Variants in FOXO1 observed in about 807,000 individuals in gnomAD.
FOXO1 encodes the protein forkhead box protein O1.
In FOXO1, 6 loss-of-function variants were observed where a neutral mutation model predicts 44.1. The ratio of observed to expected loss-of-function variants is 0.14; its 90% CI spans 0.07 to 0.27. FOXO1 has a LOEUF of 0.27. Ranked by LOEUF, FOXO1 falls within the 10% of genes least tolerant of loss-of-function variation. FOXO1 has a pLI of 1.00. For synonymous variants in FOXO1, 380 were observed against 362.7 expected (o/e 1.05, Z -0.54); for missense variants, 737 against 888.8 (o/e 0.83, Z 2.17).
Position 40,560,024 on chromosome 13 carries a change from G to A in FOXO1, c.1467C>T (p.Ser489=), listed in dbSNP as rs142210500. Reference sequence around the variant, plus strand: ...TCATGACGTTCTGGCCCAGAACCCGGCTGTTGGGCTGGGCTACCCCAGGAT... The same window carrying A: ...TCATGACGTTCTGGCCCAGAACCCGACTGTTGGGCTGGGCTACCCCAGGAT... ...PVDPGVAQPN[S]RVLGQNVMMG... Residue 489 remains serine, a synonymous_variant, in exon 2 of 3, where the codon AGC becomes AGT. Coordinates refer to ENST00000379561, the MANE Select transcript of FOXO1 (RefSeq NM_002015.4). The surrounding 1 kb of genome is among the most constrained non-coding windows in gnomAD (Gnocchi z 5.1). 567 of 1,614,132 alleles carry A rather than the reference G, an allele frequency of 3.5e-4. 3 individuals are homozygous for A. The African/African-American group carries it at 7.0e-3, about 20-fold the overall frequency.
intron 1 of FOXO1, among the ~76,000 whole-genome samples, chr13:40,643,957 C>T (rs892918757): frequency 2.0e-5 from 3 of 152,158 alleles, no homozygotes; most frequent in African/African-American, 7.2e-5. Context: ...TAGGAATTAT[C>T]TGGTTACCAA....
intron 1 of FOXO1, among the ~76,000 whole-genome samples, chr13:40,585,741 GCAGCT>G (rs1275117381): frequency 6.6e-6 from 1 of 152,178 alleles, no homozygotes; most frequent in Non-Finnish European, 1.5e-5. Flanking sequence ...AGTGGACCCA[GCAGCT>G]GCCCATTTTC....
At position 40,638,725 on chromosome 13, in the gene FOXO1, T is replaced by C. The variant is rs568904297; in HGVS notation, c.630+26858A>G. Among the ~76,000 whole-genome samples the C allele has an allele frequency of 1.2e-4, 19 of 152,110 alleles. No homozygotes were observed. In the South Asian group the frequency reaches 3.9e-3, roughly 32 times the overall value. On this transcript the variant is annotated intron_variant, in intron 1 of 2. Transcript: ENST00000379561. ...CTAAGGTTTCAGAAGGTGGCAATGG[T>C]CCTAGGAAAATACATGCCCACTCAC...
chr13:40,640,242 T>C (rs1394981900), intron 1 of FOXO1, among the ~76,000 whole-genome samples: 1 of 152,202 alleles, frequency 6.6e-6, no homozygotes, highest in African/African-American at 2.4e-5. Context: ...ATTAAAAGAA[T>C]TGCTTTAGGT....
chr13:40,579,410 T>A (rs974761225), intron 1 of FOXO1, among the ~76,000 whole-genome samples: 6 of 152,178 alleles, frequency 3.9e-5, no homozygotes, highest in African/African-American at 1.4e-4. Flanking sequence ...TTCTCCTACA[T>A]CCCATTCCCC....
At chr13:40,572,347 G>A (rs963763047) in intron 1 of FOXO1, among the ~76,000 whole-genome samples, 11 of 151,126 alleles carry the variant, frequency 7.3e-5, no homozygotes, top group Non-Finnish European at 1.3e-4. Context: ...GTGTTTTTTC[G>A]CATAGTCTGT....
chr13:40,560,810 C>G lies in FOXO1; in HGVS notation c.681G>C (p.Gln227His). ...AAGAACTTTTTCCAGTTCCTTCATTCTGCACACGAATGAACTTGCTGTGTA... is the reference window on the plus strand; with the variant it reads ...AAGAACTTTTTCCAGTTCCTTCATTGTGCACACGAATGAACTTGCTGTGTA... Reference protein sequence around the residue: ...LSLHSKFIRVQNEGTGKSSWW... With the variant: ...LSLHSKFIRVHNEGTGKSSWW... The change falls in exon 2 of 3, where the codon CAG becomes CAC. Residue 227 changes from glutamine to histidine, a missense_variant. Physicochemically the swap from Gln to His is conservative, Grantham distance 24 (BLOSUM62 0). This residue lies in a region of FOXO1 where 8 missense variants were observed against 31.2 expected (regional missense o/e 0.26). Coordinates refer to ENST00000379561, the MANE Select transcript of FOXO1 (RefSeq NM_002015.4). This position sits in a 1 kb window ranked among gnomAD's most constrained non-coding sequence, Gnocchi z 5.1. 1.2e-6 allele frequency: 2 copies of G among 1,614,028 alleles called. No individual in the cohort carries two copies. Among genetic ancestry groups the G allele is most frequent in the South Asian group, 1.1e-5 (1 of 91,074 alleles).
At chr13:40,661,902 G>A (rs1327901479) in intron 1 of FOXO1, among the ~76,000 whole-genome samples, 3 of 152,010 alleles carry the variant, frequency 2.0e-5, no homozygotes, top group Admixed American at 6.6e-5. Flanking sequence ...GGCCAGGCAC[G>A]GTGGCTTACG....
intron 1 of FOXO1, among the ~76,000 whole-genome samples, chr13:40,661,403 G>A (rs573115264): frequency 2.0e-5 from 3 of 152,068 alleles, no homozygotes; most frequent in African/African-American, 7.2e-5. Flanking sequence ...AGCCTCCCGA[G>A]TAGTTGGGAT....
intron 1 of FOXO1, among the ~76,000 whole-genome samples, chr13:40,653,524 C>T (rs1004888110): frequency 6.6e-6 from 1 of 152,222 alleles, no homozygotes; most frequent in Non-Finnish European, 1.5e-5. Flanking sequence ...CAGTGCCTCC[C>T]GGCCTCAGCT....
chr13:40,614,586 C>T (rs1383555838), intron 1 of FOXO1, among the ~76,000 whole-genome samples: 1 of 152,210 alleles, frequency 6.6e-6, no homozygotes, highest in Non-Finnish European at 1.5e-5. Context: ...AACTTTCTCA[C>T]AGTGCACAGT....
chr13:40,625,317 C>T (rs2137907301), intron 1 of FOXO1, among the ~76,000 whole-genome samples: 1 of 152,290 alleles, frequency 6.6e-6, no homozygotes, highest in South Asian at 2.1e-4. Context: ...AACTCTAACT[C>T]AAGGGTCTCT....
At position 40,628,391 on chromosome 13, in the gene FOXO1, C is replaced by CACA. The variant is rs1566079585; in HGVS notation, c.630+37191_630+37192insTGT. Reference sequence around the variant, plus strand: ...CACACACACACACACACACACACACCCCGTGAGGGTTTCAGTCTTCCCGGG... The same window carrying CACA: ...CACACACACACACACACACACACACCACACCGTGAGGGTTTCAGTCTTCCCGGG... On this transcript the variant is annotated intron_variant, in intron 1 of 2. Transcript: ENST00000379561. Among the ~76,000 whole-genome samples, 21 of 120,034 alleles carry CACA rather than the reference C, an allele frequency of 1.7e-4. No homozygotes were observed. The East Asian group carries it at 4.6e-3, about 27-fold the overall frequency. 78.7% of individuals were successfully genotyped at this position (120,034 alleles called of 152,430 possible).
At chr13:40,634,749 A>G (rs1877088859) in intron 1 of FOXO1, among the ~76,000 whole-genome samples, 1 of 151,642 alleles carries the variant, frequency 6.6e-6, no homozygotes, top group Admixed American at 6.6e-5. Flanking sequence ...GCGCAATCTC[A>G]GCTTACTGCA....
intron 1 of FOXO1, among the ~76,000 whole-genome samples, chr13:40,564,125 G>A (rs1874164740): frequency 6.6e-6 from 1 of 152,148 alleles, no homozygotes; most frequent in Non-Finnish European, 1.5e-5. Flanking sequence ...GGGAGAGGGG[G>A]TGAAGCTCTC....
At chr13:40,598,692 C>T (rs927591193) in intron 1 of FOXO1, among the ~76,000 whole-genome samples, 1 of 152,182 alleles carries the variant, frequency 6.6e-6, no homozygotes, top group African/African-American at 2.4e-5. Flanking sequence ...TGAATACACC[C>T]CCAGCTCTGC....
intron 1 of FOXO1, among the ~76,000 whole-genome samples, chr13:40,635,384 G>T (rs1877112655): frequency 6.6e-6 from 1 of 152,114 alleles, no homozygotes; most frequent in South Asian, 2.1e-4. Context: ...AACTGTTCCT[G>T]ATAAAGAACA....
In FOXO1 at chr13:40,560,411, G is replaced by C. The variant is rs772877288; in HGVS notation, c.1080C>G (p.Pro360=). The part of the protein sequence containing the change: ...PSAAKMASTL[P]SLSEISNPEN... ...CGGGATTGCTTATCTCAGACAGACT[G>C]GGTAAAGTAGAGGCCATCTTTGCGG... Residue 360 remains proline, a synonymous_variant, in exon 2 of 3, where the codon CCC becomes CCG. Transcript: ENST00000379561. The surrounding 1 kb of genome is among the most constrained non-coding windows in gnomAD (Gnocchi z 5.1). 21 of 1,614,184 alleles carry C rather than the reference G, an allele frequency of 1.3e-5. No homozygotes were observed. Among genetic ancestry groups the C allele is most frequent in the Non-Finnish European group, 1.8e-5 (21 of 1,180,046 alleles).
chr13:40,657,358 G>A (rs1312013969), intron 1 of FOXO1, among the ~76,000 whole-genome samples: 13 of 133,504 alleles, frequency 9.7e-5, no homozygotes, highest in African/African-American at 1.7e-4. Context: ...TTGCTGTGTC[G>A]CCCAGGCTGG....
Sources: gnomAD v4.1 joint callset for allele counts (sites outside exome capture counted in the v4.1 genomes callset) on GRCh38, gnomAD v4.1.1 for gene constraint, gnomAD v4.1.1 regional missense constraint, Gnocchi (gnomAD v3.1) non-coding constraint, MANE v1.5 for transcripts, NCBI Gene and HGNC (gene_info 2026-07-23, HGNC 2026-07-21) for gene names.